The following TJP1 variants were observed in gnomAD, a reference collection of about 807,000 sequenced individuals.
TJP1 encodes tight junction protein 1.
A neutral mutation model predicts 194.2 loss-of-function variants in TJP1; 43 were observed. That is an observed-to-expected ratio of 0.22 (90% CI 0.17 to 0.29). TJP1 has a LOEUF of 0.29. TJP1 is among the 10% of genes least tolerant of loss of function. TJP1 has a pLI of 1.00. For missense variants in TJP1, 1,971 were observed against 2,185.7 expected, an observed-to-expected ratio of 0.90 and a Z score of 1.96; for synonymous variants, 801 against 779.0, an observed-to-expected ratio of 1.03 and a Z score of -0.47.
chr15:29,717,888 T>C (rs2151106165), intron 22 of TJP1, 133 bp downstream of exon 22: 1 of 691,124 alleles, frequency 1.4e-6, no homozygotes, highest in Non-Finnish European at 2.4e-6. Context: ...GGAGAGCTGA[T>C]AGTTTTTATT....
chr15:29,807,787 A>T (rs947541703), intron 1 of TJP1, among the ~76,000 whole-genome samples: 12 of 152,192 alleles, frequency 7.9e-5, no homozygotes, highest in African/African-American at 2.9e-4. Flanking sequence ...TAAAAAGTTT[A>T]AAAAAGTTAT....
chr15:29,800,588 T>C, intron 2 of TJP1, 58 bp downstream of exon 2: 1 of 1,569,284 alleles, frequency 6.4e-7, no homozygotes, highest in Admixed American at 1.7e-5. Context: ...CTCTATTGTT[T>C]TCAAAGCTGC....
chr15:29,742,125 C>T (rs960638700), intron 9 of TJP1, among the ~76,000 whole-genome samples: 13 of 151,698 alleles, frequency 8.6e-5, no homozygotes, highest in African/African-American at 2.2e-4. Context: ...TAGCCAGGTG[C>T]GGTGGTGCAC....
intron 27 of TJP1, 142 bp downstream of exon 27, chr15:29,704,020 G>A (rs2041728928): frequency 1.2e-6 from 1 of 803,328 alleles, no homozygotes; most frequent in Middle Eastern, 3.9e-4. Context: ...ACAAATAAAT[G>A]TGAAAACACT....
chr15:29,700,525 G>A lies in TJP1; in HGVS notation c.*1070C>T, dbSNP rs2041475386. On this transcript the variant is annotated 3_prime_UTR_variant, in exon 28 of 28. Coordinates refer to ENST00000614355, the MANE Select transcript of TJP1 (RefSeq NM_001330239.4). ...GCAGAGGTCAAAGTTCAAGGCTCAA[G>A]AGGTACAGGAGAGAATACAAAGGTA... The A allele has an allele frequency of 1.0e-5, 4 of 398,684 alleles. No homozygotes were observed. Among genetic ancestry groups the A allele is most frequent in the African/African-American group, 6.2e-5 (3 of 48,722 alleles). 24.7% of individuals were successfully genotyped at this position (398,684 alleles called of 1,614,324 possible).
At chr15:29,754,783 G>A (rs374333007) in intron 8 of TJP1, among the ~76,000 whole-genome samples, 8 of 152,126 alleles carry the variant, frequency 5.3e-5, no homozygotes, top group Admixed American at 3.3e-4. Context: ...TCCCTTGAGC[G>A]TCATGTTGGC....
At chr15:29,778,625 C>A (rs973717993) in intron 2 of TJP1, among the ~76,000 whole-genome samples, 1 of 152,172 alleles carries the variant, frequency 6.6e-6, no homozygotes, top group Admixed American at 6.5e-5. Flanking sequence ...CCTTTGAATA[C>A]AACTCCAAAC....
At chr15:29,709,872 C>T (rs1282533691) in intron 24 of TJP1, among the ~76,000 whole-genome samples, 1 of 152,146 alleles carries the variant, frequency 6.6e-6, no homozygotes, top group Non-Finnish European at 1.5e-5. Context: ...AGGCTAGGTG[C>T]GGTGGCTCAT....
downstream of TJP1, chr15:29,699,422 G>C (rs745691946): frequency 6.6e-6 from 1 of 152,188 alleles, no homozygotes; most frequent in Admixed American, 6.5e-5. Context: ...AGAAACAGAA[G>C]AGATCATCCT....
chr15:29,963,315 G>A (rs2056224582), intron 1 of TJP1, among the ~76,000 whole-genome samples: 1 of 151,466 alleles, frequency 6.6e-6, no homozygotes, highest in Non-Finnish European at 1.5e-5. Flanking sequence ...CTTCTAGACT[G>A]TCATCTCACT....
intron 2 of TJP1, among the ~76,000 whole-genome samples, chr15:29,850,718 A>G (rs1186652741): frequency 6.6e-6 from 1 of 152,138 alleles, no homozygotes; most frequent in African/African-American, 2.4e-5. Flanking sequence ...ACAGTGGCTC[A>G]CACCTGCAAT....
At chr15:29,895,096 C>T (rs1180328559) in intron 2 of TJP1, among the ~76,000 whole-genome samples, 1 of 152,168 alleles carries the variant, frequency 6.6e-6, no homozygotes, top group African/African-American at 2.4e-5. Flanking sequence ...ATCTCGAAAA[C>T]GTCTTCAAAG....
At chr15:29,833,482 C>A (rs1186703887) in intron 2 of TJP1, among the ~76,000 whole-genome samples, 1 of 152,004 alleles carries the variant, frequency 6.6e-6, no homozygotes, top group Non-Finnish European at 1.5e-5. Context: ...CAACCTCTGC[C>A]TCCCGGGTTC....
At chr15:29,767,843 T>A (rs2046418352) in intron 4 of TJP1, among the ~76,000 whole-genome samples, 1 of 152,150 alleles carries the variant, frequency 6.6e-6, no homozygotes, top group South Asian at 2.1e-4. Context: ...ACCAAGGCAA[T>A]CTTCTCCCTG....
intron 2 of TJP1, among the ~76,000 whole-genome samples, chr15:29,894,390 C>G (rs1013268774): frequency 2.0e-5 from 3 of 152,116 alleles, no homozygotes; most frequent in African/African-American, 7.2e-5. Context: ...ATCCTAGAGG[C>G]GGAAGTTGCA....
intron 2 of TJP1, among the ~76,000 whole-genome samples, chr15:29,927,902 T>C (rs1409581236): frequency 2.6e-5 from 4 of 152,188 alleles, no homozygotes; most frequent in Non-Finnish European, 5.9e-5. Flanking sequence ...TCATAGGCAC[T>C]GCAGCTTAGT....
At chr15:29,968,138 T>G in intron 1 of TJP1, 2 of 985,480 alleles carry the variant, frequency 2.0e-6, no homozygotes, top group Non-Finnish European at 2.4e-6. Flanking sequence ...CTGGAACGCA[T>G]GCAGGTGGAA....
chr15:29,795,519 T>G (rs749607228), intron 2 of TJP1, among the ~76,000 whole-genome samples: 1 of 151,064 alleles, frequency 6.6e-6, no homozygotes, highest in Non-Finnish European at 1.5e-5. Context: ...TTAAAGAAAC[T>G]GAATTTGTAA....
At chr15:29,804,838 G>C (rs2049015244) in intron 1 of TJP1, among the ~76,000 whole-genome samples, 2 of 152,094 alleles carry the variant, frequency 1.3e-5, no homozygotes, top group African/African-American at 4.8e-5. Context: ...CATGATTCTA[G>C]CACTACCATT....
Sources: allele counts gnomAD v4.1 joint callset (sites outside exome capture counted in the v4.1 genomes callset), GRCh38; gene constraint gnomAD v4.1.1; transcripts MANE v1.5; gene names NCBI Gene and HGNC (gene_info 2026-07-23, HGNC 2026-07-21).